Variants in HEATR5A observed in about 807,000 individuals in gnomAD.
The protein encoded by HEATR5A is HEAT repeat-containing protein 5A.
A neutral mutation model predicts 218.8 loss-of-function variants in HEATR5A; 178 were observed. The ratio of observed to expected loss-of-function variants is 0.81; its 90% CI spans 0.72 to 0.92. HEATR5A has a LOEUF of 0.92. Among genes scored for constraint, HEATR5A ranks in the 40% least tolerant of loss-of-function variants. The pLI is 0.00. For missense variants in HEATR5A, 2,420 were observed against 2,418.9 expected, an observed-to-expected ratio of 1.00 and a Z score of -0.01; for synonymous variants, 864 against 871.6, an observed-to-expected ratio of 0.99 and a Z score of 0.15.
chr14:31,334,808 T>TGGTGG (rs1288174979), intron 22 of HEATR5A, among the ~76,000 whole-genome samples: 1 of 151,862 alleles, frequency 6.6e-6, no homozygotes, highest in African/African-American at 2.4e-5. Flanking sequence ...TAGCTGGGTG[T>TGGTGG]GGTGGTGGGC....
At chr14:31,392,297 C>T (rs1265741439) in intron 6 of HEATR5A, among the ~76,000 whole-genome samples, 1 of 152,054 alleles carries the variant, frequency 6.6e-6, no homozygotes. Context: ...AATTATGATG[C>T]AATGTATCTG....
chr14:31,401,864 A>G (rs2030890461), intron 2 of HEATR5A, among the ~76,000 whole-genome samples: 1 of 152,202 alleles, frequency 6.6e-6, no homozygotes, highest in South Asian at 2.1e-4. Context: ...TTACGTATAT[A>G]AATGTTAATA....
At chr14:31,342,495 G>A (rs1175454667) in intron 21 of HEATR5A, among the ~76,000 whole-genome samples, 1 of 152,150 alleles carries the variant, frequency 6.6e-6, no homozygotes, top group Non-Finnish European at 1.5e-5. Flanking sequence ...TACCATTATT[G>A]AGTACTAACT....
chr14:31,354,730 T>C (rs1451848109), intron 16 of HEATR5A, among the ~76,000 whole-genome samples: 1 of 152,208 alleles, frequency 6.6e-6, no homozygotes, highest in African/African-American at 2.4e-5. Context: ...TTTTACATTA[T>C]ACATTTTACA....
At position 31,386,529 on chromosome 14, in the gene HEATR5A, T is replaced by C. The variant is rs759524867; in HGVS notation, c.1236A>G (p.Thr412=). The C allele has an allele frequency of 1.2e-6, 2 of 1,602,796 alleles. No individual in the cohort carries two copies. Among genetic ancestry groups the C allele is most frequent in the African/African-American group, 2.7e-5 (2 of 74,350 alleles). Residue 412 remains threonine (T), a synonymous_variant, in exon 9 of 36, where the codon ACA becomes ACG. Coordinates refer to ENST00000543095, the MANE Select transcript of HEATR5A (RefSeq NM_015473.4). ...GCATATGTTGGCTAGCGGCTACATC[T>C]GTGGAACCAAGCCGGGTTTCCAAAT... ...DGNLETRLGS[T]DVAASQHMLV...
chr14:31,340,878 T>A (rs1900817450), intron 21 of HEATR5A, among the ~76,000 whole-genome samples: 1 of 152,206 alleles, frequency 6.6e-6, no homozygotes, highest in Non-Finnish European at 1.5e-5. Context: ...CATCAGAAGT[T>A]AATTATAGTT....
At chr14:31,370,212 C>A (rs1319769571) in intron 13 of HEATR5A, among the ~76,000 whole-genome samples, 6 of 148,198 alleles carry the variant, frequency 4.0e-5, no homozygotes, top group Non-Finnish European at 7.4e-5. Context: ...GGTGACAGAG[C>A]GAGACTACGT....
chr14:31,393,149 A>G (rs2030516685), intron 6 of HEATR5A, among the ~76,000 whole-genome samples: 1 of 152,216 alleles, frequency 6.6e-6, no homozygotes, highest in Non-Finnish European at 1.5e-5. Context: ...AAAAAAGAAA[A>G]TTCAGTATTT....
intron 22 of HEATR5A, among the ~76,000 whole-genome samples, chr14:31,334,940 C>A (rs1900599916): frequency 1.2e-5 from 1 of 81,304 alleles, no homozygotes; most frequent in Non-Finnish European, 2.4e-5. Flanking sequence ...AGCAAGATTC[C>A]ATCTCAAAAA....
chr14:31,323,841 C>T (rs936431453), intron 23 of HEATR5A, 37 bp from the exon 24 acceptor site: 1 of 1,309,140 alleles, frequency 7.6e-7, no homozygotes. Context: ...TTATAATCAA[C>T]TGAAAGATAT....
chr14:31,371,685 ATAAC>A (rs1239532167), intron 13 of HEATR5A, 121 bp downstream of exon 13: 3 of 447,588 alleles, frequency 6.7e-6, no homozygotes, highest in Admixed American at 4.3e-5. Context: ...AAAAAATCAT[ATAAC>A]TAACTGATTG....
In HEATR5A at chr14:31,308,016, G is replaced by T; in HGVS notation, c.4695C>A (p.Ile1565=). 1 of 1,600,260 alleles carries T rather than the reference G, an allele frequency of 6.2e-7. No homozygotes were observed. ...YTDRFHLILG[I]SVEFLCSLRS... ...GTAAGGAACATAGAAATTCCACGCTGATTCCTGTGGAAAGCAAAAAAAGAG... is the reference window on the plus strand; with the variant it reads ...GTAAGGAACATAGAAATTCCACGCTTATTCCTGTGGAAAGCAAAAAAAGAG... Residue 1565 remains isoleucine (I), a synonymous_variant, in exon 30 of 36, where the codon ATC becomes ATA. Transcript: ENST00000543095.
chr14:31,401,620 G>A (rs918040155), intron 2 of HEATR5A, among the ~76,000 whole-genome samples: 4 of 152,064 alleles, frequency 2.6e-5, no homozygotes, highest in Non-Finnish European at 4.4e-5. Flanking sequence ...CAAATTCCTG[G>A]GCTCAAGCAA....
chr14:31,308,737 A>G (rs1428252274), intron 29 of HEATR5A, among the ~76,000 whole-genome samples, 197 bp downstream of exon 29: 2 of 152,090 alleles, frequency 1.3e-5, no homozygotes, highest in Non-Finnish European at 2.9e-5. Flanking sequence ...ACTATTATTG[A>G]CACTAATTCT....
chr14:31,339,974 T>A (rs1900790939), intron 21 of HEATR5A, among the ~76,000 whole-genome samples: 1 of 152,204 alleles, frequency 6.6e-6, no homozygotes, highest in South Asian at 2.1e-4. Context: ...TTCAGGCTAG[T>A]CAAACATCTT....
At chr14:31,382,004 T>C (rs2030009930) in intron 10 of HEATR5A, among the ~76,000 whole-genome samples, 1 of 152,166 alleles carries the variant, frequency 6.6e-6, no homozygotes, top group Non-Finnish European at 1.5e-5. Context: ...ACCAACTTAC[T>C]ACTAATTTAG....
intron 33 of HEATR5A, among the ~76,000 whole-genome samples, chr14:31,298,319 C>T (rs1899257687): frequency 6.6e-6 from 1 of 152,172 alleles, no homozygotes; most frequent in Non-Finnish European, 1.5e-5. Flanking sequence ...ATGACCAACT[C>T]CTTAATTTCT....
rs773279511 is a variant in HEATR5A at position 31,321,623 on chromosome 14, G to C, written c.3845C>G (p.Thr1282Arg). The C allele has an allele frequency of 1.2e-6, 2 of 1,610,094 alleles. No individual in the cohort carries two copies. The highest frequency in any genetic ancestry group is 1.7e-6 in the Non-Finnish European group (2 of 1,178,420). ...DLIRMAFMAA[T>R]DHSDQLRLSG... is the part of the protein sequence containing the mutation. ...AAGACGGAGCTGGTCACTGTGATCT[G>C]TGGCAGCCATAAAAGCCATGCGAAT... The change falls in exon 25 of 36, where the codon ACA becomes AGA. Residue 1282 changes from threonine (T) to arginine (R), a missense_variant. Physicochemically the swap from Thr to Arg is moderately conservative, Grantham distance 71. Coordinates refer to ENST00000543095, the MANE Select transcript of HEATR5A (RefSeq NM_015473.4).
At chr14:31,343,831 G>A (rs1207608057) in intron 21 of HEATR5A, 65 bp downstream of exon 21, 6 of 1,283,100 alleles carry the variant, frequency 4.7e-6, no homozygotes, top group Non-Finnish European at 6.4e-6. Context: ...ATTAAAATGT[G>A]TACTGGAATA....
Sources: allele counts gnomAD v4.1 joint callset (sites outside exome capture counted in the v4.1 genomes callset), GRCh38; gene constraint gnomAD v4.1.1; transcripts MANE v1.5; gene names NCBI Gene and HGNC (gene_info 2026-07-23, HGNC 2026-07-21).